The following DLGAP1 variants were observed in gnomAD, a reference collection of about 807,000 sequenced individuals.
DLGAP1 encodes the protein disks large-associated protein 1.
DLGAP1 carries 11 observed loss-of-function variants against 90.8 expected under a neutral mutation model. That is an observed-to-expected ratio of 0.12 (90% CI 0.08 to 0.20). DLGAP1 has a LOEUF of 0.20. Among genes scored for constraint, DLGAP1 ranks in the 10% least tolerant of loss-of-function variants. DLGAP1 has a pLI of 1.00. For missense variants in DLGAP1, 1,050 were observed against 1,333.8 expected, an observed-to-expected ratio of 0.79 and a Z score of 3.31; for synonymous variants, 558 against 540.7, an observed-to-expected ratio of 1.03 and a Z score of -0.44.
intron 1 of DLGAP1, among the ~76,000 whole-genome samples, chr18:4,254,922 A>T (rs900718565): frequency 2.6e-5 from 4 of 152,200 alleles, no homozygotes; most frequent in Non-Finnish European, 4.4e-5. Flanking sequence ...GCTAAACTGT[A>T]TGCAACAGAA....
At chr18:4,369,993 G>A (rs753621450) in intron 1 of DLGAP1, among the ~76,000 whole-genome samples, 7 of 152,080 alleles carry the variant, frequency 4.6e-5, no homozygotes, top group Non-Finnish European at 1.0e-4. Context: ...TGTTACAGAA[G>A]GAGAAGCAGG....
rs149376424 is a variant in DLGAP1, at chr18:3,928,429, T to C, written c.-72-48289A>G. 1.9e-3 allele frequency among the ~76,000 whole-genome samples: 284 copies of C among 152,262 alleles called. 2 individuals are homozygous for C. The highest frequency in any genetic ancestry group is 6.5e-3 in the African/African-American group (271 of 41,560). On this transcript the variant is annotated intron_variant, in intron 3 of 12. Coordinates refer to ENST00000315677, the MANE Select transcript of DLGAP1 (RefSeq NM_004746.4). Reference sequence around the variant, plus strand: ...ATTTCTAAAGATGCAAGAAAGGGGATTGGAATTAAGTGGTTTAATTTATTG... The same window carrying C: ...ATTTCTAAAGATGCAAGAAAGGGGACTGGAATTAAGTGGTTTAATTTATTG...
chr18:4,186,984 A>T (rs1303942187), intron 1 of DLGAP1, among the ~76,000 whole-genome samples: 2 of 151,834 alleles, frequency 1.3e-5, no homozygotes, highest in Non-Finnish European at 2.9e-5. Flanking sequence ...CACCTCGCTG[A>T]TTAGCTAGGT....
intron 5 of DLGAP1, among the ~76,000 whole-genome samples, chr18:3,805,439 T>TG (rs1017419090): frequency 3.3e-5 from 5 of 152,158 alleles, no homozygotes; most frequent in African/African-American, 1.2e-4. Flanking sequence ...AGAGAGAGGC[T>TG]GGGGGCGTCA....
intron 10 of DLGAP1, among the ~76,000 whole-genome samples, chr18:3,521,451 G>A (rs760824156): frequency 1.3e-5 from 2 of 152,060 alleles, no homozygotes; most frequent in Non-Finnish European, 2.9e-5. Context: ...AAGCGCCCAC[G>A]GCTTCCCAAA....
chr18:3,677,808 G>T (rs2060361853), intron 7 of DLGAP1, among the ~76,000 whole-genome samples: 1 of 151,930 alleles, frequency 6.6e-6, no homozygotes, highest in African/African-American at 2.4e-5. Context: ...ACAGGTGCTT[G>T]CCACCATGCC....
intron 3 of DLGAP1, among the ~76,000 whole-genome samples, chr18:3,946,732 T>G (rs1481080505): frequency 6.6e-6 from 1 of 152,190 alleles, no homozygotes; most frequent in Non-Finnish European, 1.5e-5. Flanking sequence ...TCATTTTCTT[T>G]GTGGCACCAA....
chr18:4,440,846 A>G (rs1183370103), intron 1 of DLGAP1, among the ~76,000 whole-genome samples: 1 of 152,246 alleles, frequency 6.6e-6, no homozygotes, highest in African/African-American at 2.4e-5. Flanking sequence ...TCTTTCTTGA[A>G]CAATTAAGGT....
intron 2 of DLGAP1, among the ~76,000 whole-genome samples, chr18:4,125,973 G>C (rs2076227209): frequency 6.6e-6 from 1 of 152,300 alleles, no homozygotes; most frequent in East Asian, 1.9e-4. Flanking sequence ...GCCGCAGTGG[G>C]TGAGACTTGA....
chr18:4,362,105 G>T (rs934945802), intron 1 of DLGAP1, among the ~76,000 whole-genome samples: 2 of 152,140 alleles, frequency 1.3e-5, no homozygotes, highest in African/African-American at 4.8e-5. Flanking sequence ...AGGATGTAGA[G>T]AAACTGGAAC....
At chr18:3,951,799 C>T (rs144879826) in intron 3 of DLGAP1, among the ~76,000 whole-genome samples, 176 of 152,214 alleles carry the variant, frequency 1.2e-3, no homozygotes, top group African/African-American at 4.0e-3. Context: ...ATTTTTTTCT[C>T]TCTTGTTGCT....
intron 3 of DLGAP1, among the ~76,000 whole-genome samples, chr18:3,962,889 G>T (rs1366080364): frequency 6.6e-6 from 1 of 152,120 alleles, no homozygotes; most frequent in Non-Finnish European, 1.5e-5. Flanking sequence ...TGTTGACAAG[G>T]TCTCCTTGGG....
intron 3 of DLGAP1, among the ~76,000 whole-genome samples, chr18:3,909,146 G>A (rs1285534961): frequency 6.6e-6 from 1 of 152,184 alleles, no homozygotes; most frequent in Admixed American, 6.5e-5. Context: ...TGCCATGACA[G>A]CCTTTAGTGA....
intron 1 of DLGAP1, among the ~76,000 whole-genome samples, chr18:4,174,152 A>G (rs2077067348): frequency 6.6e-6 from 1 of 152,012 alleles, no homozygotes; most frequent in South Asian, 2.1e-4. Flanking sequence ...GTGCCTGGGA[A>G]TATTCCCCAA....
intron 1 of DLGAP1, among the ~76,000 whole-genome samples, chr18:4,344,919 C>T (rs2081274344): frequency 6.6e-6 from 1 of 152,176 alleles, no homozygotes; most frequent in African/African-American, 2.4e-5. Flanking sequence ...AGTTGTTACA[C>T]ATTTTAGATA....
rs999560363 is a variant in DLGAP1, at chr18:4,404,969, A to G, written c.-267+50037T>C. On this transcript the variant is annotated intron_variant, in intron 1 of 12. Coordinates refer to ENST00000315677, the MANE Select transcript of DLGAP1 (RefSeq NM_004746.4). ...CTATATCCTACTAGTTCTTTGAGAA[A>G]ATAACTAAGATAGAGAATAATCGTG... Among the ~76,000 whole-genome samples the G allele has an allele frequency of 8.5e-5, 13 of 152,208 alleles. 1 individual carries two copies. The highest frequency in any genetic ancestry group is 2.9e-4 in the African/African-American group (12 of 41,452).
intron 2 of DLGAP1, among the ~76,000 whole-genome samples, chr18:4,092,526 G>A (rs148261817): frequency 4.6e-5 from 7 of 152,032 alleles, no homozygotes; most frequent in Non-Finnish European, 7.4e-5. Flanking sequence ...GTAGGATCTC[G>A]GACTTAGGAC....
intron 7 of DLGAP1, among the ~76,000 whole-genome samples, chr18:3,629,486 A>T (rs1421011402): frequency 6.6e-6 from 1 of 152,032 alleles, no homozygotes; most frequent in Non-Finnish European, 1.5e-5. Flanking sequence ...CCTGGCTAAC[A>T]CGCTGAAACC....
chr18:4,347,445 CTAAAA>C (rs1245166650), intron 1 of DLGAP1, among the ~76,000 whole-genome samples: 1 of 151,784 alleles, frequency 6.6e-6, no homozygotes, highest in Non-Finnish European at 1.5e-5. Context: ...TGCAAAAGTA[CTAAAA>C]TAAATGTTGG....
Sources: allele counts gnomAD v4.1 joint callset (sites outside exome capture counted in the v4.1 genomes callset), GRCh38; gene constraint gnomAD v4.1.1; transcripts MANE v1.5; gene names NCBI Gene and HGNC (gene_info 2026-07-23, HGNC 2026-07-21).